Variants in BLVRA observed in about 807,000 individuals in gnomAD.
BLVRA encodes the protein biliverdin reductase A.
A neutral mutation model predicts 32.8 loss-of-function variants in BLVRA; 22 were observed. That is an observed-to-expected ratio of 0.67 (90% CI 0.48 to 0.96). The LOEUF (loss-of-function observed/expected upper bound fraction) is 0.96, where lower values mean the gene tolerates loss of function less well. Among genes scored for constraint, BLVRA ranks in the 40% least tolerant of loss-of-function variants. The pLI is 0.00. For synonymous variants in BLVRA, 119 were observed against 141.3 expected, an observed-to-expected ratio of 0.84 and a Z score of 1.12; for missense variants, 323 against 358.1, an observed-to-expected ratio of 0.90 and a Z score of 0.79.
rs377633876 is a variant in BLVRA at position 43,788,681 on chromosome 7, C to T, written c.134+656C>T. 1.3e-4 allele frequency among the ~76,000 whole-genome samples: 20 copies of T among 152,276 alleles called. No homozygotes were observed. In the East Asian group the frequency reaches 2.9e-3, roughly 22 times the overall value. On this transcript the variant is annotated intron_variant, in intron 3 of 7. Coordinates refer to ENST00000265523, the MANE Select transcript of BLVRA (RefSeq NM_000712.4). ...CTGCAGCGCAATGGTGCAATCACAGCGCACTGCAGCCTTGACCGTCTGGGC... is the reference window on the plus strand; with the variant it reads ...CTGCAGCGCAATGGTGCAATCACAGTGCACTGCAGCCTTGACCGTCTGGGC...
intron 2 of BLVRA, among the ~76,000 whole-genome samples, chr7:43,775,185 G>A (rs10250951): frequency 0.15 from 23,072 of 151,952 alleles, 2,192 homozygotes; most frequent in Non-Finnish European, 0.21. Context: ...TGTTGAATAG[G>A]AGTGGTGAGA....
chr7:43,760,679 T>C lies in BLVRA; in HGVS notation c.-22+1945T>C, dbSNP rs1201435256. ...AGTGAAACTTTCCATTAATGGACAG[T>C]GTATACCTTTTTGTGTATTTAAAAA... is the stretch of plus-strand genomic sequence containing the variant. On this transcript the variant is annotated intron_variant, in intron 1 of 7. Coordinates refer to ENST00000265523, the MANE Select transcript of BLVRA (RefSeq NM_000712.4). Among the ~76,000 whole-genome samples the C allele has an allele frequency of 2.6e-5, 4 of 151,664 alleles. No individual in the cohort carries two copies. In the Admixed American group the frequency reaches 2.6e-4, roughly 10 times the overall value.
chr7:43,791,637 C>T (rs889909019), intron 4 of BLVRA: 1 of 410,456 alleles, frequency 2.4e-6, no homozygotes, highest in Admixed American at 3.6e-5. Context: ...TTTTATTTCT[C>T]TGTAAAAACC....
intron 7 of BLVRA, among the ~76,000 whole-genome samples, chr7:43,805,776 T>G (rs2095803443): frequency 6.6e-6 from 1 of 152,164 alleles, no homozygotes; most frequent in Non-Finnish European, 1.5e-5. Context: ...TTCGTATTTT[T>G]GGGTAAGATG....
intron 2 of BLVRA, among the ~76,000 whole-genome samples, chr7:43,773,937 C>CT (rs1191457093): frequency 1.3e-5 from 2 of 152,188 alleles, no homozygotes; most frequent in Non-Finnish European, 2.9e-5. Context: ...TAAATGTCTT[C>CT]TTTTGAGAAG....
chr7:43,768,256 C>A (rs2095750358), intron 1 of BLVRA, among the ~76,000 whole-genome samples: 1 of 152,158 alleles, frequency 6.6e-6, no homozygotes, highest in African/African-American at 2.4e-5. Context: ...GAGATGAAGT[C>A]CAACCATTCA....
chr7:43,788,065 GC>G (rs1410030468), intron 3 of BLVRA, 40 bp downstream of exon 3: 1 of 1,614,144 alleles, frequency 6.2e-7, no homozygotes, highest in Admixed American at 1.7e-5. Context: ...TTCATGGAAA[GC>G]CCAGTGAGGC....
chr7:43,781,292 T>C (rs1285827006), intron 2 of BLVRA, among the ~76,000 whole-genome samples: 1 of 152,234 alleles, frequency 6.6e-6, no homozygotes, highest in Non-Finnish European at 1.5e-5. Flanking sequence ...TGCCCCTTTA[T>C]AGTCACAACC....
chr7:43,766,026 GC>G (rs1328311094), intron 1 of BLVRA, among the ~76,000 whole-genome samples: 1 of 152,210 alleles, frequency 6.6e-6, no homozygotes, highest in African/African-American at 2.4e-5. Flanking sequence ...GGTAGCTCAT[GC>G]CTGTAATCCC....
intron 6 of BLVRA, among the ~76,000 whole-genome samples, chr7:43,803,309 T>TTG (rs34404101): frequency 0.79 from 117,982 of 149,200 alleles, 46,602 homozygotes; most frequent in African/African-American, 0.83. Context: ...TAGGTATGTG[T>TTG]TGTGTGTGTG....
Position 43,806,985 on chromosome 7 carries a change from C to CAA in BLVRA, c.642_643insAA (p.Trp215AsnfsTer10). On this transcript the variant is annotated frameshift_variant, in exon 8 of 8. Transcript: ENST00000265523. LOFTEE classifies it high-confidence loss of function. ...GTCTTTTGTCTTTGCAGTCCACTGTCATGGATTGAAGAAAAAGGACCTGGT... is the reference window on the plus strand; with the variant it reads ...GTCTTTTGTCTTTGCAGTCCACTGTCAAATGGATTGAAGAAAAAGGACCTGGT... 7 of 1,613,936 alleles carry CAA rather than the reference C, an allele frequency of 4.3e-6. No homozygotes were observed. The highest frequency in any genetic ancestry group is 5.9e-6 in the Non-Finnish European group (7 of 1,179,982).
In BLVRA at chr7:43,804,865, A is replaced by G. The variant is rs939675372; in HGVS notation, c.632+1018A>G. Among the ~76,000 whole-genome samples the G allele has an allele frequency of 2.6e-5, 4 of 152,350 alleles. No homozygotes were observed. In the East Asian group the frequency reaches 7.7e-4, roughly 29 times the overall value. On this transcript the variant is annotated intron_variant, in intron 7 of 7. Transcript: ENST00000265523. ...GGTCTCCTGGTAGTAAAAGAAGCAG[A>G]CACTGGGTATTTTAAAAAGAAAAAA...
chr7:43,771,004 G>C, intron 1 of BLVRA, 134 bp from the exon 2 acceptor site: 1 of 791,588 alleles, frequency 1.3e-6, no homozygotes, highest in Non-Finnish European at 2.2e-6. Flanking sequence ...GGCACAGGTG[G>C]TGAAGGCATT....
chr7:43,771,564 T>C (rs752484137), intron 2 of BLVRA, among the ~76,000 whole-genome samples: 2 of 152,244 alleles, frequency 1.3e-5, no homozygotes, highest in Non-Finnish European at 2.9e-5. Context: ...CTTATCCTTT[T>C]GTTTTTTCCT....
chr7:43,786,519 A>C lies in BLVRA; in HGVS notation c.13-1385A>C, dbSNP rs117130021. ...AAGGATACGAAGACCTGAACAACAC[A>C]ATCAACCAACTTGATCTAACAGACT... On this transcript the variant is annotated intron_variant, in intron 2 of 7. Coordinates refer to ENST00000265523, the MANE Select transcript of BLVRA (RefSeq NM_000712.4). 2.0e-5 allele frequency among the ~76,000 whole-genome samples: 3 copies of C among 152,362 alleles called. No individual in the cohort carries two copies. The East Asian group carries it at 5.8e-4, about 29-fold the overall frequency.
chr7:43,804,076 G>A (rs926559260), intron 7 of BLVRA, among the ~76,000 whole-genome samples: 4 of 152,226 alleles, frequency 2.6e-5, no homozygotes, highest in South Asian at 2.1e-4. Context: ...CCAGTCAGTA[G>A]ACAGAGGCTT....
At chr7:43,793,787 C>T (rs2095788774) in intron 5 of BLVRA, among the ~76,000 whole-genome samples, 1 of 151,820 alleles carries the variant, frequency 6.6e-6, no homozygotes, top group Non-Finnish European at 1.5e-5. Flanking sequence ...CCATGCCCAG[C>T]TAATTTTTGT....
In BLVRA at chr7:43,791,263, G is replaced by T; in HGVS notation, c.149G>T (p.Ser50Ile). ...CTCTGAAATAGAAGGGAGCTCGGGAGCATTGATGGAGTCCAGCAGATTTCT... is the reference window on the plus strand; with the variant it reads ...CTCTGAAATAGAAGGGAGCTCGGGATCATTGATGGAGTCCAGCAGATTTCT... ...IGFVSRRELG[S>I]IDGVQQISLE... Residue 50 changes from serine (S) to isoleucine (I), a missense_variant, in exon 4 of 8, where the codon AGC becomes ATC. Ser to Ile is a moderately radical substitution (Grantham distance 142). Coordinates refer to ENST00000265523, the MANE Select transcript of BLVRA (RefSeq NM_000712.4). The T allele has an allele frequency of 1.2e-6, 2 of 1,614,202 alleles. No homozygotes were observed. The highest frequency in any genetic ancestry group is 1.7e-6 in the Non-Finnish European group (2 of 1,180,026).
intron 5 of BLVRA, 34 bp downstream of exon 5, chr7:43,792,846 G>A (rs1436893829): frequency 1.9e-6 from 3 of 1,587,452 alleles, no homozygotes; most frequent in East Asian, 2.2e-5. Context: ...CTGCCTCCAG[G>A]ATTTCTGTGA....
Sources: allele counts gnomAD v4.1 joint callset (sites outside exome capture counted in the v4.1 genomes callset), GRCh38; gene constraint gnomAD v4.1.1; transcripts MANE v1.5; gene names NCBI Gene and HGNC (gene_info 2026-07-23, HGNC 2026-07-21).